Variants in TTC28 observed in about 807,000 individuals in gnomAD.
The protein encoded by TTC28 is tetratricopeptide repeat domain 28.
TTC28 carries 61 observed loss-of-function variants against 198.0 expected under a neutral mutation model. The ratio of observed to expected loss-of-function variants is 0.31; its 90% CI spans 0.25 to 0.38. The LOEUF is 0.38. TTC28 is among the 10% of genes least tolerant of loss of function. The pLI is 1.00. For missense variants in TTC28, 2,678 were observed against 3,164.0 expected (o/e 0.85, Z 3.69); for synonymous variants, 1,171 against 1,297.8 (o/e 0.90, Z 2.10).
intron 2 of TTC28, among the ~76,000 whole-genome samples, chr22:28,573,900 G>A (rs2050101738): frequency 1.3e-5 from 2 of 151,626 alleles, no homozygotes; most frequent in Non-Finnish European, 2.9e-5. Context: ...ATCTCTGTGA[G>A]TTCAATTGTT....
chr22:28,032,175 T>TATATATATATATATAAA lies in TTC28; in HGVS notation c.3933-1810_3933-1809insTTTATATATATATATAT, dbSNP rs1569094581. ...TATATCTACTTAGTGTGTGTATATA[T>TATATATATATATATAAA]ATATATATATATAAAATATATATAT... On this transcript the variant is annotated intron_variant, in intron 12 of 22. Coordinates refer to ENST00000397906, the MANE Select transcript of TTC28 (RefSeq NM_001145418.2). Among the ~76,000 whole-genome samples the TATATATATATATATAAA allele has an allele frequency of 1.7e-3, 138 of 79,032 alleles. 1 individual carries two copies. The highest frequency in any genetic ancestry group is 2.6e-3 in the Non-Finnish European group (114 of 43,262). The allele number at this position is 79,032 out of a possible 152,430, so 51.8% of individuals were successfully genotyped here. A position where few individuals can be genotyped will look rare whatever the true frequency, so the allele number is the denominator to read the frequency against.
chr22:28,457,024 C>T (rs1240997861), intron 2 of TTC28, among the ~76,000 whole-genome samples: 4 of 152,144 alleles, frequency 2.6e-5, no homozygotes, highest in Non-Finnish European at 4.4e-5. Flanking sequence ...TGTACTGATG[C>T]TATGAATTTA....
intron 2 of TTC28, among the ~76,000 whole-genome samples, chr22:28,417,529 A>C (rs1363443364): frequency 6.6e-6 from 1 of 152,108 alleles, no homozygotes; most frequent in Non-Finnish European, 1.5e-5. Flanking sequence ...TGTTGGACAG[A>C]CATTCTAAAA....
chr22:28,534,641 T>C (rs2049223577), intron 2 of TTC28, among the ~76,000 whole-genome samples: 1 of 152,164 alleles, frequency 6.6e-6, no homozygotes. Context: ...CTATTCACAA[T>C]AGCAAAGACT....
At chr22:28,547,324 T>C (rs2049566965) in intron 2 of TTC28, among the ~76,000 whole-genome samples, 1 of 152,132 alleles carries the variant, frequency 6.6e-6, no homozygotes, top group South Asian at 2.1e-4. Context: ...GCCAAAGTTT[T>C]TCCCTGCACA....
At chr22:28,410,508 C>T (rs529245614) in intron 2 of TTC28, among the ~76,000 whole-genome samples, 11 of 152,174 alleles carry the variant, frequency 7.2e-5, no homozygotes, top group African/African-American at 2.2e-4. Flanking sequence ...GGAACTGTAG[C>T]AAATATTTCA....
In TTC28 at chr22:28,091,909, T is replaced by C. The variant is rs371137842; in HGVS notation, c.3932+2171A>G. 1.1e-4 allele frequency among the ~76,000 whole-genome samples: 17 copies of C among 152,254 alleles called. No individual in the cohort carries two copies. In the East Asian group the frequency reaches 3.1e-3, roughly 28 times the overall value. ...TGGGCATAAGGGGTAGGGAAACCTATGCTGGGAGTTGTAGAGGCTTCCTTA... is the reference window on the plus strand; with the variant it reads ...TGGGCATAAGGGGTAGGGAAACCTACGCTGGGAGTTGTAGAGGCTTCCTTA... On this transcript the variant is annotated intron_variant, in intron 12 of 22. Coordinates refer to ENST00000397906, the MANE Select transcript of TTC28 (RefSeq NM_001145418.2).
chr22:28,041,732 T>C (rs906476071), intron 12 of TTC28, among the ~76,000 whole-genome samples: 9 of 152,050 alleles, frequency 5.9e-5, no homozygotes, highest in African/African-American at 2.2e-4. Context: ...AATTGACAAA[T>C]GGGATCTAAT....
chr22:28,330,223 A>G (rs1435855136), intron 2 of TTC28, among the ~76,000 whole-genome samples: 11 of 152,222 alleles, frequency 7.2e-5, no homozygotes, highest in Non-Finnish European at 1.0e-4. Context: ...ATATCAATGT[A>G]GCTAAAAATG....
At chr22:28,361,437 T>C (rs1160673486) in intron 2 of TTC28, among the ~76,000 whole-genome samples, 2 of 152,100 alleles carry the variant, frequency 1.3e-5, no homozygotes, top group Non-Finnish European at 2.9e-5. Flanking sequence ...AAGTCTAATT[T>C]AGAGCAAAAC....
intron 2 of TTC28, among the ~76,000 whole-genome samples, chr22:28,568,874 C>T (rs373533715): frequency 2.0e-5 from 3 of 152,056 alleles, no homozygotes; most frequent in Non-Finnish European, 2.9e-5. Context: ...GGGCCAGGCA[C>T]GGTGACTTAC....
At chr22:28,612,762 TA>T (rs2050840100) in intron 2 of TTC28, among the ~76,000 whole-genome samples, 1 of 152,030 alleles carries the variant, frequency 6.6e-6, no homozygotes, top group Non-Finnish European at 1.5e-5. Context: ...AAGGAAGAAA[TA>T]AAGATGTTCT....
At chr22:28,043,589 C>T (rs1939750512) in intron 12 of TTC28, among the ~76,000 whole-genome samples, 1 of 152,098 alleles carries the variant, frequency 6.6e-6, no homozygotes, top group African/African-American at 2.4e-5. Flanking sequence ...GTGATGAGAA[C>T]CAGACTGCCT....
chr22:28,661,294 AC>A (rs1360480562), intron 1 of TTC28, among the ~76,000 whole-genome samples: 1 of 152,176 alleles, frequency 6.6e-6, no homozygotes, highest in Non-Finnish European at 1.5e-5. Flanking sequence ...CAGAAAAAAA[AC>A]AATTGTTGTT....
intron 2 of TTC28, among the ~76,000 whole-genome samples, chr22:28,479,549 C>T (rs1446668784): frequency 6.6e-6 from 1 of 152,128 alleles, no homozygotes; most frequent in Non-Finnish European, 1.5e-5. Context: ...ACAGAATTTC[C>T]ATTCTTGTAG....
intron 13 of TTC28, among the ~76,000 whole-genome samples, chr22:28,029,743 G>T (rs1017155814): frequency 6.6e-6 from 1 of 152,224 alleles, no homozygotes; most frequent in Non-Finnish European, 1.5e-5. Context: ...AGACGGGTGA[G>T]CCTGGGTCTG....
intron 2 of TTC28, among the ~76,000 whole-genome samples, chr22:28,375,289 T>C (rs2046392977): frequency 6.6e-6 from 1 of 152,188 alleles, no homozygotes. Context: ...CTGAAGGACT[T>C]CATATGCACT....
chr22:28,214,221 C>G (rs1319215901), intron 5 of TTC28, among the ~76,000 whole-genome samples: 3 of 152,016 alleles, frequency 2.0e-5, no homozygotes, highest in Admixed American at 6.6e-5. Context: ...ATAGGCATGG[C>G]CAAGGACTTC....
Position 28,296,256 on chromosome 22 carries a change from T to A in TTC28, c.875A>T (p.Glu292Val). ...CTGATGCCTGTGGTTAGTGAGAGCC[T>A]CCCGGTAATTTCCTTTGGAGAAGAA... The part of the protein sequence containing the change: ...SAFFSKGNYR[E>V]ALTNHRHQLV... The change falls in exon 5 of 23, where the codon GAG becomes GTG. Residue 292 changes from glutamate to valine, a missense_variant. Around this residue, in one of 8 missense-constraint regions of TTC28, gnomAD observed 775 missense variants for 845.9 expected, o/e 0.92. Coordinates refer to ENST00000397906, the MANE Select transcript of TTC28 (RefSeq NM_001145418.2). 1 of 1,550,960 alleles carries A rather than the reference T, an allele frequency of 6.4e-7. No individual in the cohort carries two copies. Among genetic ancestry groups the A allele is most frequent in the Non-Finnish European group, 8.7e-7 (1 of 1,146,662 alleles).
Sources: gnomAD v4.1 joint callset for allele counts (sites outside exome capture counted in the v4.1 genomes callset) on GRCh38, gnomAD v4.1.1 for gene constraint, gnomAD v4.1.1 regional missense constraint, MANE v1.5 for transcripts, NCBI Gene and HGNC (gene_info 2026-07-23, HGNC 2026-07-21) for gene names.